Variants in UBASH3B observed in about 807,000 individuals in gnomAD.
UBASH3B encodes the protein ubiquitin-associated and SH3 domain-containing protein B.
UBASH3B carries 37 observed loss-of-function variants against 83.4 expected under a neutral mutation model. The ratio of observed to expected loss-of-function variants is 0.44; its 90% CI spans 0.34 to 0.58. The LOEUF is 0.58. Ranked by LOEUF, UBASH3B falls within the 20% of genes least tolerant of loss-of-function variation. The probability of loss-of-function intolerance (pLI) is 0.01; values close to 1 mark genes in which losing one functional copy is unlikely to be tolerated. For missense variants in UBASH3B, 657 were observed against 827.2 expected (o/e 0.79, Z 2.52); for synonymous variants, 304 against 318.3 (o/e 0.96, Z 0.48).
intron 1 of UBASH3B, among the ~76,000 whole-genome samples, chr11:122,741,895 C>A (rs1449412564): frequency 6.6e-6 from 1 of 152,190 alleles, no homozygotes; most frequent in African/African-American, 2.4e-5. Flanking sequence ...TTTCACTCAA[C>A]CCCAAGCAGT....
At position 122,789,194 on chromosome 11, in the gene UBASH3B, C is replaced by G. The variant is rs1251841820; in HGVS notation, c.866C>G (p.Thr289Ser). Residue 289 changes from threonine (T) to serine (S), a missense_variant, in exon 6 of 14, where the codon ACC (threonine) becomes AGC (serine). Transcript: ENST00000284273. Reference protein sequence around the residue: ...DFIFMSPMEQTSTSEGWIYGT... With the variant: ...DFIFMSPMEQSSTSEGWIYGT... ...ATCTTCATGTCTCCAATGGAGCAGA[C>G]CAGCACCAGCGAGGGTTGGATCTAT... 4 of 1,614,186 alleles carry G rather than the reference C, an allele frequency of 2.5e-6. No homozygotes were observed. The highest frequency in any genetic ancestry group is 3.3e-4 in the Middle Eastern group (2 of 6,060).
At chr11:122,671,523 C>T (rs1394923382) in intron 1 of UBASH3B, among the ~76,000 whole-genome samples, 1 of 152,216 alleles carries the variant, frequency 6.6e-6, no homozygotes, top group Non-Finnish European at 1.5e-5. Flanking sequence ...TTCCTCCAAA[C>T]GTAAGACCAC....
intron 1 of UBASH3B, among the ~76,000 whole-genome samples, chr11:122,667,197 C>T (rs534014191): frequency 6.6e-6 from 1 of 152,090 alleles, no homozygotes; most frequent in South Asian, 2.1e-4. Context: ...GCACGCACCA[C>T]CACCACACCT....
intron 4 of UBASH3B, 83 bp downstream of exon 4, chr11:122,779,778 G>A: frequency 3.9e-6 from 6 of 1,535,244 alleles, no homozygotes; most frequent in Non-Finnish European, 4.5e-6. Context: ...TAGTGGTAGA[G>A]GAGCAGGATG....
intron 1 of UBASH3B, among the ~76,000 whole-genome samples, chr11:122,771,040 G>A (rs1447927306): frequency 1.3e-5 from 2 of 152,094 alleles, no homozygotes; most frequent in South Asian, 2.1e-4. Context: ...TCCCACTTAC[G>A]TTTTCAGGTA....
At chr11:122,659,916 G>C (rs993532610) in intron 1 of UBASH3B, among the ~76,000 whole-genome samples, 1 of 152,174 alleles carries the variant, frequency 6.6e-6, no homozygotes, top group African/African-American at 2.4e-5. Context: ...GCTCTTGGTG[G>C]GCTGGCAGAG....
At chr11:122,725,742 G>T (rs1251116202) in intron 1 of UBASH3B, among the ~76,000 whole-genome samples, 1 of 151,948 alleles carries the variant, frequency 6.6e-6, no homozygotes, top group South Asian at 2.1e-4. Flanking sequence ...CGCCCAGGCT[G>T]GAGTGCAGTG....
At position 122,776,260 on chromosome 11, in the gene UBASH3B, C is replaced by A; in HGVS notation, c.203C>A (p.Ala68Glu). The A allele has an allele frequency of 6.2e-7, 1 of 1,606,560 alleles. No homozygotes were observed. Among genetic ancestry groups the A allele is most frequent in the African/African-American group, 1.3e-5 (1 of 74,706 alleles). ...LASTGGRSVQ[A>E]ACDWLFSHVG... ...TCCACGGGAGGAAGAAGTGTTCAGG[C>A]AGCATGTGACTGGTTGGTATGAGAT... The change falls in exon 2 of 14, where the codon GCA becomes GAA. Residue 68 changes from alanine to glutamate, a missense_variant. Transcript: ENST00000284273.
chr11:122,790,067 A>C (rs1861023968), intron 6 of UBASH3B, among the ~76,000 whole-genome samples: 1 of 152,218 alleles, frequency 6.6e-6, no homozygotes, highest in Non-Finnish European at 1.5e-5. Flanking sequence ...GCATCTAGCC[A>C]GGGTCTGCAT....
intron 1 of UBASH3B, among the ~76,000 whole-genome samples, chr11:122,751,741 G>A (rs2135968262): frequency 6.6e-6 from 1 of 152,262 alleles, no homozygotes. Flanking sequence ...AGAGAATCCT[G>A]GCTGACCATA....
rs1861474070 is a variant in UBASH3B, at chr11:122,812,819, G to A, written c.*2933G>A. On this transcript the variant is annotated 3_prime_UTR_variant, in exon 14 of 14. Transcript: ENST00000284273. The stretch of plus-strand genomic sequence containing the variant: ...GTAATTGGCACATTTTAATGCATAA[G>A]CTGGGGGTTTCATTTTCCCAGGCTC... 1 of 152,150 alleles carries A rather than the reference G, an allele frequency of 6.6e-6. No individual in the cohort carries two copies. Among genetic ancestry groups the A allele is most frequent in the African/African-American group, 2.4e-5 (1 of 41,420 alleles). 9.4% of individuals were successfully genotyped at this position (152,150 alleles called of 1,614,324 possible).
chr11:122,689,806 G>A (rs180676560), intron 1 of UBASH3B, among the ~76,000 whole-genome samples: 89 of 152,178 alleles, frequency 5.8e-4, no homozygotes, highest in African/African-American at 2.0e-3. Flanking sequence ...TTGCTGGAGC[G>A]GCTCACAGAA....
intron 1 of UBASH3B, among the ~76,000 whole-genome samples, chr11:122,762,721 C>T (rs1295938307): frequency 2.0e-5 from 3 of 152,166 alleles, no homozygotes; most frequent in Non-Finnish European, 4.4e-5. Context: ...ATCGCCTTAC[C>T]TGAGGAGGTT....
At chr11:122,804,886 T>C (rs1299802142) in intron 11 of UBASH3B, among the ~76,000 whole-genome samples, 1 of 152,146 alleles carries the variant, frequency 6.6e-6, no homozygotes, top group Non-Finnish European at 1.5e-5. Flanking sequence ...AAACATCTTG[T>C]GGACCAGAAA....
At chr11:122,802,879 G>A (rs529608721) in intron 11 of UBASH3B, among the ~76,000 whole-genome samples, 1 of 152,238 alleles carries the variant, frequency 6.6e-6, no homozygotes, top group South Asian at 2.1e-4. Flanking sequence ...CACCAACATT[G>A]GTTAAGTGAC....
chr11:122,789,594 C>T (rs1374002346), intron 6 of UBASH3B, among the ~76,000 whole-genome samples: 1 of 152,172 alleles, frequency 6.6e-6, no homozygotes, highest in African/African-American at 2.4e-5. Context: ...GGCATCATCC[C>T]AGTGCTGCGT....
intron 10 of UBASH3B, among the ~76,000 whole-genome samples, chr11:122,799,379 C>T (rs908845632): frequency 6.6e-6 from 1 of 150,968 alleles, no homozygotes; most frequent in Admixed American, 6.6e-5. Flanking sequence ...CTCAGCTGCT[C>T]GGGAGGCTGA....
In UBASH3B at chr11:122,810,209, A is replaced by G; in HGVS notation, c.*323A>G. The G allele has an allele frequency of 4.6e-6, 1 of 216,488 alleles. No individual in the cohort carries two copies. Among genetic ancestry groups the G allele is most frequent in the Non-Finnish European group, 9.2e-6 (1 of 108,898 alleles). The allele number at this position is 216,488 out of a possible 1,614,324, so 13.4% of individuals were successfully genotyped here. On this transcript the variant is annotated 3_prime_UTR_variant, in exon 14 of 14. Coordinates refer to ENST00000284273, the MANE Select transcript of UBASH3B (RefSeq NM_032873.5). Reference sequence around the variant, plus strand: ...AGCTAAGGGGCCTCATTTCTCCCAGAGGGAGCTGCTGGCCCGCTCTAAGGG... The same window carrying G: ...AGCTAAGGGGCCTCATTTCTCCCAGGGGGAGCTGCTGGCCCGCTCTAAGGG...
chr11:122,717,012 C>A (rs940427979), intron 1 of UBASH3B, among the ~76,000 whole-genome samples: 2 of 152,146 alleles, frequency 1.3e-5, no homozygotes, highest in African/African-American at 4.8e-5. Context: ...CATAGCACAG[C>A]CGAGGCCAAG....
Sources: allele counts gnomAD v4.1 joint callset (sites outside exome capture counted in the v4.1 genomes callset), GRCh38; gene constraint gnomAD v4.1.1; transcripts MANE v1.5; gene names NCBI Gene and HGNC (gene_info 2026-07-23, HGNC 2026-07-21).